ANXA7: variants seen among roughly 807,000 people sequenced by gnomAD.
The protein encoded by ANXA7 is annexin VII.
A neutral mutation model predicts 64.9 loss-of-function variants in ANXA7; 55 were observed. The observed-to-expected ratio is 0.85, with a 90% CI of 0.68 to 1.06. The LOEUF is 1.06. Among genes scored for constraint, ANXA7 ranks in the 50% least tolerant of loss-of-function variants. The pLI is 0.00. For synonymous variants in ANXA7, 200 were observed against 192.4 expected, an observed-to-expected ratio of 1.04 and a Z score of -0.33; for missense variants, 548 against 582.1, an observed-to-expected ratio of 0.94 and a Z score of 0.60.
chr10:73,413,441 A>G (rs1369467712), intron 1 of ANXA7, among the ~76,000 whole-genome samples: 2 of 152,206 alleles, frequency 1.3e-5, no homozygotes, highest in Non-Finnish European at 1.5e-5. Context: ...GCACAGGATG[A>G]GCTAATTTCA....
chr10:73,405,501 T>C (rs1433524382), intron 1 of ANXA7, among the ~76,000 whole-genome samples: 1 of 152,182 alleles, frequency 6.6e-6, no homozygotes, highest in Non-Finnish European at 1.5e-5. Flanking sequence ...ATCACACCAC[T>C]GCACTCCAGC....
chr10:73,387,741 G>T lies in ANXA7; in HGVS notation c.581C>A (p.Ser194Tyr), dbSNP rs748819261. The change falls in exon 7 of 13, where the codon TCC becomes TAC. Residue 194 changes from serine to tyrosine, a missense_variant. By Grantham distance (144) the Ser-to-Tyr change is moderately radical. Transcript: ENST00000372921. ...QAIVDVVANR[S>Y]NDQRQKIKAA... The stretch of plus-strand genomic sequence containing the variant: ...TTTAATTTTTTGCCTCTGATCATTG[G>T]AACGGTTGGCCACCACATCCACAAT... 5 of 1,613,940 alleles carry T rather than the reference G, an allele frequency of 3.1e-6. No homozygotes were observed. The highest frequency in any genetic ancestry group is 2.2e-5 in the East Asian group (1 of 44,868).
In ANXA7 at chr10:73,378,901, C is replaced by A; in HGVS notation, c.1278+10G>T. The A allele has an allele frequency of 3.1e-6, 5 of 1,600,348 alleles. No individual in the cohort carries two copies. The highest frequency in any genetic ancestry group is 4.3e-6 in the Non-Finnish European group (5 of 1,168,170). ...GTAAGACCCGACAAAAAGAGAGAGGCCTGCCTCACCTCACTTCGAGTGACC... is the reference window on the plus strand; with the variant it reads ...GTAAGACCCGACAAAAAGAGAGAGGACTGCCTCACCTCACTTCGAGTGACC... On this transcript the variant is annotated intron_variant, in intron 12 of 12. Coordinates refer to ENST00000372921, the MANE Select transcript of ANXA7 (RefSeq NM_001156.5).
intron 1 of ANXA7, among the ~76,000 whole-genome samples, chr10:73,405,958 TTC>T (rs1047660985): frequency 1.4e-4 from 20 of 146,076 alleles, no homozygotes; most frequent in African/African-American, 5.1e-4. Context: ...TATTTTTCTC[TTC>T]TTTTTTTTTT....
At chr10:73,403,965 T>A (rs900623258) in intron 1 of ANXA7, among the ~76,000 whole-genome samples, 2 of 152,250 alleles carry the variant, frequency 1.3e-5, no homozygotes, top group Admixed American at 6.5e-5. Flanking sequence ...CATTTAGCAG[T>A]GCCTGCAATA....
intron 1 of ANXA7, among the ~76,000 whole-genome samples, chr10:73,412,947 G>A (rs1447855193): frequency 6.6e-6 from 1 of 152,034 alleles, no homozygotes; most frequent in Non-Finnish European, 1.5e-5. Flanking sequence ...TGAAGCCCAG[G>A]AACCCAAGAG....
At position 73,388,342 on chromosome 10, in the gene ANXA7, C is replaced by T. The variant is rs1222650843; in HGVS notation, c.508G>A (p.Glu170Lys). The T allele has an allele frequency of 6.2e-7, 1 of 1,613,912 alleles. No homozygotes were observed. Among genetic ancestry groups the T allele is most frequent in the Admixed American group, 1.7e-5 (1 of 59,996 alleles). Residue 170 changes from glutamate to lysine, a missense_variant, in exon 6 of 13, where the codon GAA (glutamate) becomes AAA (lysine). Physicochemically the swap from Glu to Lys is moderately conservative, Grantham distance 56. Coordinates refer to ENST00000372921, the MANE Select transcript of ANXA7 (RefSeq NM_001156.5). ...AANFDAIRDA[E>K]ILRKAMKGFG... ...CCCTTCATTGCCTTACGAAGAATTTCTGCATCTCTTATAGCATCGAAGTTG... is the reference window on the plus strand; with the variant it reads ...CCCTTCATTGCCTTACGAAGAATTTTTGCATCTCTTATAGCATCGAAGTTG...
chr10:73,383,182 A>C lies in ANXA7; in HGVS notation c.911T>G (p.Met304Arg), dbSNP rs76038970. 1.9e-6 allele frequency: 3 copies of C among 1,612,410 alleles called. No individual in the cohort carries two copies. The South Asian group carries it at 3.3e-5, about 18-fold the overall frequency. Reference protein sequence around the residue: ...SGHFERLLVSMCQGNRDENQS... With the variant: ...SGHFERLLVSRCQGNRDENQS... Reference sequence around the variant, plus strand: ...CATTCATACTATACTCACCTGGCACATGGACACAAGTAAACGTTCAAAATG... The same window carrying C: ...CATTCATACTATACTCACCTGGCACCTGGACACAAGTAAACGTTCAAAATG... The change falls in exon 9 of 13, where the codon ATG becomes AGG. Residue 304 changes from methionine to arginine, a missense_variant. Met to Arg is a moderately conservative substitution (Grantham distance 91). Coordinates refer to ENST00000372921, the MANE Select transcript of ANXA7 (RefSeq NM_001156.5).
Position 73,383,664 on chromosome 10 carries a change from C to G in ANXA7, c.660G>C (p.Glu220Asp), listed in dbSNP as rs375873686. 5.6e-6 allele frequency: 9 copies of G among 1,612,534 alleles called. No individual in the cohort carries two copies. The highest frequency in any genetic ancestry group is 2.7e-5 in the African/African-American group (2 of 74,876). The part of the protein sequence containing the change: ...GKDLIKDLKS[E>D]LSGNMEELIL... Reference sequence around the variant, plus strand: ...TCAGTTCTTCCATATTTCCACTTAACTCTGATTTGAGATCTTTGATTAAAT... The same window carrying G: ...TCAGTTCTTCCATATTTCCACTTAAGTCTGATTTGAGATCTTTGATTAAAT... Residue 220 changes from glutamate (E) to aspartate (D), a missense_variant, in exon 8 of 13, where the codon GAG (glutamate) becomes GAC (aspartate). By Grantham distance (45) the Glu-to-Asp change is conservative. Coordinates refer to ENST00000372921, the MANE Select transcript of ANXA7 (RefSeq NM_001156.5).
At chr10:73,380,258 T>C in intron 9 of ANXA7, 57 bp from the exon 10 acceptor site, 1 of 1,538,228 alleles carries the variant, frequency 6.5e-7, no homozygotes, top group Non-Finnish European at 8.8e-7. Flanking sequence ...ACTAAATTTT[T>C]TTTTTCCAAT....
Position 73,398,267 on chromosome 10 carries a change from C to T in ANXA7, c.173G>A (p.Gly58Glu), listed in dbSNP as rs1306016762. ...ATAACCTCCAGGCGCAGGGTAGCCTCCAGCTCCTGGGTAGCCACTACTTGG... is the reference window on the plus strand; with the variant it reads ...ATAACCTCCAGGCGCAGGGTAGCCTTCAGCTCCTGGGTAGCCACTACTTGG... ...QVPSSGYPGA[G>E]GYPAPGGYPA... Residue 58 changes from glycine to glutamate, a missense_variant, in exon 3 of 13, where the codon GGA (glycine) becomes GAA (glutamate). Physicochemically the swap from Gly to Glu is moderately conservative, Grantham distance 98. Coordinates refer to ENST00000372921, the MANE Select transcript of ANXA7 (RefSeq NM_001156.5). The T allele has an allele frequency of 6.8e-6, 11 of 1,613,956 alleles. No individual in the cohort carries two copies. Among genetic ancestry groups the T allele is most frequent in the Non-Finnish European group, 9.3e-6 (11 of 1,180,024 alleles).
At chr10:73,397,644 G>C (rs1006391737) in intron 3 of ANXA7, among the ~76,000 whole-genome samples, 1 of 152,054 alleles carries the variant, frequency 6.6e-6, no homozygotes, top group African/African-American at 2.4e-5. Context: ...TTTTAGTAGA[G>C]ACAGGGTTTC....
intron 4 of ANXA7, 84 bp from the exon 5 acceptor site, chr10:73,396,667 T>C (rs1407404983): frequency 1.9e-5 from 14 of 746,058 alleles, no homozygotes; most frequent in Middle Eastern, 6.8e-4. Flanking sequence ...TGACTATGAA[T>C]ATGGAAACAT....
At chr10:73,405,855 G>A (rs772816223) in intron 1 of ANXA7, among the ~76,000 whole-genome samples, 9 of 152,194 alleles carry the variant, frequency 5.9e-5, no homozygotes, top group East Asian at 1.9e-4. Context: ...TAAAATACTC[G>A]TCATTCTCCA....
intron 9 of ANXA7, 35 bp downstream of exon 9, chr10:73,383,140 C>A: frequency 6.5e-7 from 1 of 1,548,574 alleles, no homozygotes; most frequent in South Asian, 1.2e-5. Flanking sequence ...AGTATGTTCC[C>A]TCTATCAACG....
chr10:73,380,301 C>CTT (rs555312505), intron 9 of ANXA7, 100 bp from the exon 10 acceptor site: 29 of 1,094,888 alleles, frequency 2.6e-5, no homozygotes, highest in Non-Finnish European at 3.1e-5. Flanking sequence ...GAGACTATTT[C>CTT]TTTTTTTTTT....
chr10:73,409,544 C>T (rs528564621), intron 1 of ANXA7, among the ~76,000 whole-genome samples: 2 of 152,204 alleles, frequency 1.3e-5, no homozygotes, highest in Non-Finnish European at 2.9e-5. Context: ...AAACTCATCC[C>T]ATGCTCATGG....
intron 1 of ANXA7, among the ~76,000 whole-genome samples, chr10:73,413,758 T>A (rs1312836405): frequency 6.6e-6 from 1 of 152,006 alleles, no homozygotes; most frequent in Non-Finnish European, 1.5e-5. Flanking sequence ...GGGGCGCCAC[T>A]GGTCCCTGGG....
At chr10:73,413,227 T>C (rs948746880) in intron 1 of ANXA7, among the ~76,000 whole-genome samples, 6 of 152,310 alleles carry the variant, frequency 3.9e-5, no homozygotes, top group Admixed American at 2.6e-4. Context: ...TTTTACCTAT[T>C]CAGTGCTTGA....
Sources: gnomAD v4.1 joint callset for allele counts (sites outside exome capture counted in the v4.1 genomes callset) on GRCh38, gnomAD v4.1.1 for gene constraint, MANE v1.5 for transcripts, NCBI Gene and HGNC (gene_info 2026-07-23, HGNC 2026-07-21) for gene names.